Variants in MYO9A observed in about 807,000 individuals in gnomAD.
The protein encoded by MYO9A is myosin IXA.
In MYO9A, 103 loss-of-function variants were observed where a neutral mutation model predicts 293.3. The ratio of observed to expected loss-of-function variants is 0.35; its 90% CI spans 0.30 to 0.41. MYO9A has a LOEUF of 0.41. MYO9A is among the 10% of genes least tolerant of loss of function. MYO9A has a pLI of 1.00. For missense variants in MYO9A, 2,685 were observed against 3,033.0 expected (o/e 0.89, Z 2.69); for synonymous variants, 1,001 against 1,035.7 (o/e 0.97, Z 0.64).
intron 6 of MYO9A, among the ~76,000 whole-genome samples, chr15:72,012,583 C>T (rs1292648534): frequency 6.6e-6 from 1 of 152,152 alleles, no homozygotes; most frequent in African/African-American, 2.4e-5. Flanking sequence ...CAGGAGTAAG[C>T]CACCGTACCC....
At chr15:72,106,338 A>G (rs1445820818) in intron 1 of MYO9A, among the ~76,000 whole-genome samples, 1 of 152,046 alleles carries the variant, frequency 6.6e-6, no homozygotes. Flanking sequence ...AATTTAAAAA[A>G]ATAATTAGGA....
chr15:72,019,027 A>C lies in MYO9A; in HGVS notation c.1155+12T>G, dbSNP rs765668845. 6.2e-7 allele frequency: 1 copy of C among 1,611,214 alleles called. No individual in the cohort carries two copies. The highest frequency in any genetic ancestry group is 8.5e-7 in the Non-Finnish European group (1 of 1,177,454). Reference sequence around the variant, plus strand: ...TGACAGAAACACAGAATATTTAGGTACTTGTACTGACCGGCTCAGAGTCAT... The same window carrying C: ...TGACAGAAACACAGAATATTTAGGTCCTTGTACTGACCGGCTCAGAGTCAT... On this transcript the variant is annotated intron_variant, in intron 6 of 41. Coordinates refer to ENST00000356056, the MANE Select transcript of MYO9A (RefSeq NM_006901.4).
intron 19 of MYO9A, 47 bp downstream of exon 19, chr15:71,916,323 C>A (rs1369466379): frequency 1.9e-6 from 3 of 1,584,806 alleles, no homozygotes; most frequent in Admixed American, 3.8e-5. Context: ...CAATGACAAT[C>A]TGAAAGATAC....
At chr15:71,894,897 C>G (rs1482029347) in intron 25 of MYO9A, among the ~76,000 whole-genome samples, 1 of 152,160 alleles carries the variant, frequency 6.6e-6, no homozygotes, top group African/African-American at 2.4e-5. Context: ...GAACTGTAAG[C>G]TCCTTGAGAA....
chr15:71,824,372 C>T lies in MYO9A; in HGVS notation c.*2208G>A, dbSNP rs1245127239. ...CCCCACAAAGATTTAGAAGGAAGAA[C>T]ATGTGCCAACATATGTTCTTCTGGC... On this transcript the variant is annotated 3_prime_UTR_variant, in exon 42 of 42. Coordinates refer to ENST00000356056, the MANE Select transcript of MYO9A (RefSeq NM_006901.4). The T allele has an allele frequency of 6.6e-6, 1 of 152,172 alleles. No individual in the cohort carries two copies. Among genetic ancestry groups the T allele is most frequent in the African/African-American group, 2.4e-5 (1 of 41,450 alleles). The allele number at this position is 152,172 out of a possible 1,614,324, so 9.4% of individuals were successfully genotyped here.
At chr15:71,882,366 T>C (rs1410913374) in intron 28 of MYO9A, among the ~76,000 whole-genome samples, 1 of 152,244 alleles carries the variant, frequency 6.6e-6, no homozygotes, top group African/African-American at 2.4e-5. Context: ...AACATTAGGA[T>C]AACTTGGAGA....
intron 1 of MYO9A, among the ~76,000 whole-genome samples, chr15:72,083,321 C>T (rs1366947271): frequency 1.3e-5 from 2 of 152,106 alleles, no homozygotes; most frequent in African/African-American, 4.8e-5. Context: ...GTGTTCATAA[C>T]AGTCTGATGA....
At chr15:72,099,775 G>A (rs1187267400) in intron 1 of MYO9A, among the ~76,000 whole-genome samples, 3 of 150,620 alleles carry the variant, frequency 2.0e-5, no homozygotes, top group East Asian at 2.0e-4. Flanking sequence ...GGTGGCATGC[G>A]CCTGTAGTCC....
At chr15:71,864,064 CAT>C (rs2056240772) in intron 32 of MYO9A, among the ~76,000 whole-genome samples, 2 of 152,146 alleles carry the variant, frequency 1.3e-5, no homozygotes, top group Middle Eastern at 3.4e-3. Context: ...ATTTGCAAAT[CAT>C]ATATCTGATA....
chr15:71,893,637 T>G (rs2057241230), intron 26 of MYO9A, 42 bp downstream of exon 26: 1 of 1,463,006 alleles, frequency 6.8e-7, no homozygotes, highest in African/African-American at 1.4e-5. Flanking sequence ...AATGTACATC[T>G]CTTTTGTATA....
chr15:71,892,332 A>G (rs551363200), intron 26 of MYO9A: 3 of 152,274 alleles, frequency 2.0e-5, no homozygotes, highest in South Asian at 2.1e-4. Flanking sequence ...TTTGCTCACT[A>G]TATGTTTTAA....
At chr15:71,971,776 T>C (rs1158985084) in intron 12 of MYO9A, among the ~76,000 whole-genome samples, 1 of 150,566 alleles carries the variant, frequency 6.6e-6, no homozygotes, top group East Asian at 1.9e-4. Context: ...TATACAGTTG[T>C]GATATTATAA....
In MYO9A at chr15:71,911,926, C is replaced by A. The variant is rs572069000; in HGVS notation, c.2685+4444G>T. ...TACAGAAAATATACATTATAGTCTACCATGTTGTTACTTGTTTCTATTTAT... is the reference window on the plus strand; with the variant it reads ...TACAGAAAATATACATTATAGTCTAACATGTTGTTACTTGTTTCTATTTAT... On this transcript the variant is annotated intron_variant, in intron 19 of 41. Coordinates refer to ENST00000356056, the MANE Select transcript of MYO9A (RefSeq NM_006901.4). Among the ~76,000 whole-genome samples the A allele has an allele frequency of 2.6e-5, 4 of 152,230 alleles. No homozygotes were observed. In the East Asian group the frequency reaches 7.7e-4, roughly 29 times the overall value.
chr15:71,999,443 A>G (rs945048970), intron 9 of MYO9A, among the ~76,000 whole-genome samples: 3 of 152,174 alleles, frequency 2.0e-5, no homozygotes, highest in African/African-American at 7.2e-5. Context: ...AAAAAAAAAT[A>G]CAAGCAGAAA....
rs2056665626 is a variant in MYO9A, at chr15:71,875,844, AG to A, written c.5932-7del. On this transcript the variant is annotated splice_polypyrimidine_tract_variant and splice_region_variant and intron_variant, in intron 31 of 41. Coordinates refer to ENST00000356056, the MANE Select transcript of MYO9A (RefSeq NM_006901.4). ...TTTCTTTCTGTTTTTGGCACCTGAC[AG>A]GGGGACAGGAGATATATGGAAATTG... 4.4e-6 allele frequency: 6 copies of A among 1,367,890 alleles called. No individual in the cohort carries two copies. Among genetic ancestry groups the A allele is most frequent in the Non-Finnish European group, 4.8e-6 (5 of 1,052,258 alleles). 84.7% of individuals were successfully genotyped at this position (1,367,890 alleles called of 1,614,324 possible).
intron 32 of MYO9A, among the ~76,000 whole-genome samples, chr15:71,870,447 T>C (rs1432942993): frequency 1.3e-5 from 2 of 152,144 alleles, no homozygotes; most frequent in East Asian, 3.8e-4. Context: ...CATGTGTATA[T>C]AGGGGTATAC....
intron 39 of MYO9A, among the ~76,000 whole-genome samples, chr15:71,836,514 C>T (rs1197932021): frequency 6.6e-6 from 1 of 152,002 alleles, no homozygotes; most frequent in African/African-American, 2.4e-5. Context: ...CTGTATATTT[C>T]TCCAACAAAA....
chr15:71,997,591 T>A (rs539437354), intron 9 of MYO9A, among the ~76,000 whole-genome samples: 1 of 151,370 alleles, frequency 6.6e-6, no homozygotes, highest in South Asian at 2.1e-4. Flanking sequence ...AGTGCGAGAC[T>A]CGTCTCAAAA....
At chr15:72,067,971 G>A (rs2079071128) in intron 1 of MYO9A, among the ~76,000 whole-genome samples, 1 of 152,132 alleles carries the variant, frequency 6.6e-6, no homozygotes, top group Non-Finnish European at 1.5e-5. Context: ...ACAAAGCAGA[G>A]TTTAACAGAA....
Sources: gnomAD v4.1 joint callset for allele counts (sites outside exome capture counted in the v4.1 genomes callset) on GRCh38, gnomAD v4.1.1 for gene constraint, MANE v1.5 for transcripts, NCBI Gene and HGNC (gene_info 2026-07-23, HGNC 2026-07-21) for gene names.